Variants in PPFIA2 observed in about 807,000 individuals in gnomAD.
PPFIA2 encodes PPFI scaffold protein A2.
Under a neutral mutation model 175.5 loss-of-function variants are expected in PPFIA2, and 46 were observed. The ratio of observed to expected loss-of-function variants is 0.26; its 90% CI spans 0.21 to 0.34. The LOEUF is 0.34. Ranked by LOEUF, PPFIA2 falls within the 10% of genes least tolerant of loss-of-function variation. The probability of loss-of-function intolerance (pLI) is 1.00; values close to 1 mark genes in which losing one functional copy is unlikely to be tolerated. For missense variants in PPFIA2, 1,179 were observed against 1,506.1 expected, an observed-to-expected ratio of 0.78 and a Z score of 3.60; for synonymous variants, 568 against 511.4, an observed-to-expected ratio of 1.11 and a Z score of -1.49.
At position 81,654,769 on chromosome 12, in the gene PPFIA2, T is replaced by C. The variant is rs916712666; in HGVS notation, c.303+22022A>G. ...TGACTCCCAGAAACTGAGATTGTTA[T>C]TTTAAGTCATTAAGGTTGCGTCAAT... On this transcript the variant is annotated intron_variant, in intron 4 of 32. Transcript: ENST00000549396. 5.3e-5 allele frequency among the ~76,000 whole-genome samples: 8 copies of C among 152,122 alleles called. No individual in the cohort carries two copies. In the East Asian group the frequency reaches 1.5e-3, roughly 29 times the overall value.
chr12:81,365,993 CCTTCCTT>C (rs1221256173), intron 14 of PPFIA2, among the ~76,000 whole-genome samples: 1 of 66,086 alleles, frequency 1.5e-5, no homozygotes, highest in African/African-American at 6.2e-5. Flanking sequence ...TCCCTTCCTT[CCTTCCTT>C]CCTTCCTTCC....
intron 4 of PPFIA2, among the ~76,000 whole-genome samples, chr12:81,465,671 T>TA (rs2055477538): frequency 2.0e-5 from 3 of 152,218 alleles, no homozygotes; most frequent in Admixed American, 6.5e-5. Flanking sequence ...AATTTACATG[T>TA]AAAAAAATAT....
intron 4 of PPFIA2, among the ~76,000 whole-genome samples, chr12:81,652,272 C>A (rs993046608): frequency 6.7e-6 from 1 of 148,374 alleles, no homozygotes; most frequent in Non-Finnish European, 1.5e-5. Flanking sequence ...AAACAGAATA[C>A]CATTGAGGTT....
intron 28 of PPFIA2, among the ~76,000 whole-genome samples, chr12:81,274,204 A>C (rs2039913353): frequency 6.6e-6 from 1 of 152,148 alleles, no homozygotes; most frequent in Admixed American, 6.5e-5. Flanking sequence ...TCTCCACTTA[A>C]TTTTATTAAA....
At chr12:81,728,537 CCTT>C (rs1200707221) in intron 3 of PPFIA2, among the ~76,000 whole-genome samples, 1 of 151,440 alleles carries the variant, frequency 6.6e-6, no homozygotes, top group East Asian at 2.0e-4. Context: ...ATCCCCCTCT[CCTT>C]CTCTCAGCTT....
intron 4 of PPFIA2, among the ~76,000 whole-genome samples, chr12:81,596,577 G>C (rs1017517739): frequency 6.6e-6 from 1 of 152,018 alleles, no homozygotes. Context: ...TTTACTGAAA[G>C]AATTGTAAAA....
At chr12:81,456,949 A>AT (rs952001080) in intron 5 of PPFIA2, among the ~76,000 whole-genome samples, 32 of 149,256 alleles carry the variant, frequency 2.1e-4, no homozygotes, top group Admixed American at 1.9e-3. Context: ...TAATGGGCAG[A>AT]TTTTTTTTTC....
chr12:81,369,525 AT>A, intron 11 of PPFIA2: 1 of 769,728 alleles, frequency 1.3e-6, no homozygotes, highest in Non-Finnish European at 1.7e-6. Flanking sequence ...CAGATGGTTG[AT>A]TATCAATAAA....
intron 4 of PPFIA2, among the ~76,000 whole-genome samples, chr12:81,568,351 G>A (rs1171226093): frequency 6.6e-6 from 1 of 152,140 alleles, no homozygotes; most frequent in Non-Finnish European, 1.5e-5. Context: ...TTTGTCTGAT[G>A]GTGGGTCTCC....
At chr12:81,700,755 A>G (rs1385022785) in intron 3 of PPFIA2, among the ~76,000 whole-genome samples, 1 of 152,152 alleles carries the variant, frequency 6.6e-6, no homozygotes, top group Admixed American at 6.6e-5. Flanking sequence ...AAGACTATGG[A>G]GAAAACAAAA....
chr12:81,652,687 T>C (rs538456837), intron 4 of PPFIA2, among the ~76,000 whole-genome samples: 1 of 152,238 alleles, frequency 6.6e-6, no homozygotes, highest in African/African-American at 2.4e-5. Context: ...ATTTGCTTCA[T>C]TGTTGGTTTG....
chr12:81,626,370 G>A (rs1196201593), intron 4 of PPFIA2, among the ~76,000 whole-genome samples: 2 of 151,798 alleles, frequency 1.3e-5, no homozygotes, highest in Non-Finnish European at 2.9e-5. Context: ...AAATTTTAAG[G>A]CTACATTATA....
At chr12:81,493,787 T>TATATATATATATATATATATATAC (rs1491517743) in intron 4 of PPFIA2, among the ~76,000 whole-genome samples, 2 of 128,358 alleles carry the variant, frequency 1.6e-5, no homozygotes, top group Non-Finnish European at 3.2e-5. Flanking sequence ...TATATATATA[T>TATATATATATATATATATATATAC]ACACATTGGA....
At chr12:81,512,144 C>T (rs537580421) in intron 4 of PPFIA2, 3 of 311,540 alleles carry the variant, frequency 9.6e-6, no homozygotes, top group East Asian at 1.0e-4. Flanking sequence ...CTGTAGTGTC[C>T]GTCAATGTCA....
chr12:81,608,028 T>C (rs563468592), intron 4 of PPFIA2, among the ~76,000 whole-genome samples: 1 of 152,118 alleles, frequency 6.6e-6, no homozygotes, highest in Non-Finnish European at 1.5e-5. Flanking sequence ...TATCACAAGT[T>C]TTTTCTGTGT....
intron 4 of PPFIA2, among the ~76,000 whole-genome samples, chr12:81,596,444 T>C (rs1184290572): frequency 6.6e-6 from 1 of 152,064 alleles, no homozygotes; most frequent in Non-Finnish European, 1.5e-5. Context: ...AAAATTTATA[T>C]CTTATCTTAA....
chr12:81,345,668 G>A (rs747393658), intron 18 of PPFIA2, among the ~76,000 whole-genome samples: 7 of 152,108 alleles, frequency 4.6e-5, no homozygotes, highest in Non-Finnish European at 8.8e-5. Context: ...AAGTATTCCT[G>A]CCTTGAATGC....
At chr12:81,489,637 A>T (rs2059214093) in intron 4 of PPFIA2, among the ~76,000 whole-genome samples, 1 of 151,958 alleles carries the variant, frequency 6.6e-6, no homozygotes, top group South Asian at 2.1e-4. Context: ...TTCACTTGAA[A>T]TGATGCAATT....
intron 4 of PPFIA2, among the ~76,000 whole-genome samples, chr12:81,596,916 G>A (rs549144306): frequency 1.3e-5 from 2 of 152,086 alleles, no homozygotes; most frequent in African/African-American, 4.8e-5. Flanking sequence ...AAAGGGGAGA[G>A]AGAAAGAGTA....
Sources: gnomAD v4.1 joint callset for allele counts (sites outside exome capture counted in the v4.1 genomes callset) on GRCh38, gnomAD v4.1.1 for gene constraint, MANE v1.5 for transcripts, NCBI Gene and HGNC (gene_info 2026-07-23, HGNC 2026-07-21) for gene names.